SH3D19: variants seen among roughly 807,000 people sequenced by gnomAD.
The protein encoded by SH3D19 is SH3 domain containing 19, also known as SH3 domain-containing protein 19.
SH3D19 carries 58 observed loss-of-function variants against 112.1 expected under a neutral mutation model. The observed-to-expected ratio is 0.52, with a 90% CI of 0.42 to 0.64. The LOEUF is 0.64. Among genes scored for constraint, SH3D19 ranks in the 30% least tolerant of loss-of-function variants. The pLI, the probability that SH3D19 is intolerant of heterozygous loss-of-function variation, is 0.00. For synonymous variants in SH3D19, 391 were observed against 448.5 expected, an observed-to-expected ratio of 0.87 and a Z score of 1.62; for missense variants, 1,090 against 1,263.4, an observed-to-expected ratio of 0.86 and a Z score of 2.08.
intron 1 of SH3D19, among the ~76,000 whole-genome samples, chr4:151,254,410 G>C: frequency 1.3e-5 from 2 of 149,748 alleles, no homozygotes; most frequent in Non-Finnish European, 3.0e-5. Flanking sequence ...TGGAGGGAAG[G>C]TCAGCAGATA....
rs200222200 is a variant in SH3D19 at position 151,147,900 on chromosome 4, C to T, written c.2082+22G>A. 1.0e-5 allele frequency: 16 copies of T among 1,575,178 alleles called. No homozygotes were observed. In the East Asian group the frequency reaches 3.1e-4, roughly 31 times the overall value. On this transcript the variant is annotated intron_variant, in intron 11 of 19. Transcript: ENST00000604030. ...TTAGGGCACACCTCTTGACCACAAA[C>T]ATTTTTAAAAGCTAAATTTACCATG...
intron 1 of SH3D19, among the ~76,000 whole-genome samples, chr4:151,258,950 G>C (rs1007072117): frequency 3.0e-5 from 4 of 131,726 alleles, no homozygotes. Context: ...CCCCAGAATG[G>C]GGTAAGCCCT....
chr4:151,212,871 GC>G (rs1456980513), intron 2 of SH3D19, among the ~76,000 whole-genome samples: 8 of 152,208 alleles, frequency 5.3e-5, no homozygotes, highest in Non-Finnish European at 8.8e-5. Context: ...CATTGTAGAT[GC>G]CATTAAGAAT....
At chr4:151,142,961 G>C (rs1467624987) in intron 12 of SH3D19, among the ~76,000 whole-genome samples, 1 of 152,094 alleles carries the variant, frequency 6.6e-6, no homozygotes, top group Admixed American at 6.6e-5. Context: ...CTTTTGGCTG[G>C]GCATGGTGAC....
At position 151,133,074 on chromosome 4, in the gene SH3D19, C is replaced by T. The variant is rs1383812126; in HGVS notation, c.2649G>A (p.Glu883=). ...CAGAGGTGGGATAATCCTCAACAGG[C>T]TCCACAAAGTTCAGGGGGAAAATCC... ...RTGIFPLNFV[E]PVEDYPTSGA... Residue 883 remains glutamate, a synonymous_variant, in exon 16 of 20, where the codon GAG becomes GAA. Coordinates refer to ENST00000604030, the MANE Select transcript of SH3D19 (RefSeq NM_001378122.1). 1 of 1,614,022 alleles carries T rather than the reference C, an allele frequency of 6.2e-7. No homozygotes were observed. The highest frequency in any genetic ancestry group is 2.2e-5 in the East Asian group (1 of 44,878).
chr4:151,275,560 C>T (rs982212129), intron 1 of SH3D19, among the ~76,000 whole-genome samples: 2 of 152,162 alleles, frequency 1.3e-5, no homozygotes, highest in African/African-American at 2.4e-5. Flanking sequence ...TTCTTTCCGT[C>T]GCCCAAGCTG....
intron 2 of SH3D19, among the ~76,000 whole-genome samples, chr4:151,224,678 T>C (rs1768696535): frequency 6.6e-6 from 1 of 152,190 alleles, no homozygotes; most frequent in Non-Finnish European, 1.5e-5. Flanking sequence ...CAGTTAAGCA[T>C]GCTGTCAAAG....
At chr4:151,236,999 C>G in intron 1 of SH3D19, among the ~76,000 whole-genome samples, 1 of 152,326 alleles carries the variant, frequency 6.6e-6, no homozygotes, top group Middle Eastern at 3.4e-3. Flanking sequence ...CAGCAACATG[C>G]TGAAGTCCCC....
At position 151,180,502 on chromosome 4, in the gene SH3D19, G is replaced by A. The variant is rs576202398; in HGVS notation, c.194-1105C>T. 2.2e-3 allele frequency among the ~76,000 whole-genome samples: 337 copies of A among 150,564 alleles called. 1 individual carries two copies. Among genetic ancestry groups the A allele is most frequent in the African/African-American group, 7.0e-3 (287 of 41,106 alleles). On this transcript the variant is annotated intron_variant, in intron 3 of 19. Transcript: ENST00000604030. Reference sequence around the variant, plus strand: ...GCTCACTGCAAGCTCTGCCTCCTGGGTTCACACCATTCTCTTGCCTCATCT... The same window carrying A: ...GCTCACTGCAAGCTCTGCCTCCTGGATTCACACCATTCTCTTGCCTCATCT...
intron 1 of SH3D19, among the ~76,000 whole-genome samples, chr4:151,243,739 T>C (rs1375593869): frequency 1.3e-5 from 2 of 152,182 alleles, no homozygotes; most frequent in African/African-American, 4.8e-5. Context: ...ATTACAACTG[T>C]TGGGAGAAAA....
chr4:151,184,846 T>C (rs924551630), intron 3 of SH3D19, among the ~76,000 whole-genome samples: 6 of 152,154 alleles, frequency 3.9e-5, no homozygotes, highest in Admixed American at 2.0e-4. Flanking sequence ...TTGTTGAAAT[T>C]GAAGTGTGGC....
At chr4:151,145,941 C>A (rs112917371) in intron 11 of SH3D19, among the ~76,000 whole-genome samples, 261 of 152,284 alleles carry the variant, frequency 1.7e-3, no homozygotes, top group Middle Eastern at 3.4e-3. Context: ...TTAATACATA[C>A]ATAAAGTGCT....
At chr4:151,197,298 AT>A (rs1240010466) in intron 2 of SH3D19, among the ~76,000 whole-genome samples, 1 of 152,232 alleles carries the variant, frequency 6.6e-6, no homozygotes, top group African/African-American at 2.4e-5. Flanking sequence ...AAAATAAGTC[AT>A]TATACCGAAA....
At chr4:151,313,902 C>T (rs935400876) in intron 1 of SH3D19, among the ~76,000 whole-genome samples, 5 of 152,078 alleles carry the variant, frequency 3.3e-5, no homozygotes, top group Admixed American at 2.6e-4. Context: ...ATGTGAACAC[C>T]TCTACACTAG....
chr4:151,321,527 C>T (rs1007614651), intron 1 of SH3D19, among the ~76,000 whole-genome samples: 1 of 152,080 alleles, frequency 6.6e-6, no homozygotes, highest in East Asian at 1.9e-4. Flanking sequence ...TTTAAGCTAC[C>T]GAGAAAACCC....
At chr4:151,293,286 C>G (rs1030240525) in intron 1 of SH3D19, among the ~76,000 whole-genome samples, 1 of 150,640 alleles carries the variant, frequency 6.6e-6, no homozygotes, top group Non-Finnish European at 1.5e-5. Flanking sequence ...CTGGCTAACA[C>G]GGTGAAACCC....
At chr4:151,165,437 T>A in intron 8 of SH3D19, 152 bp downstream of exon 8, 1 of 608,528 alleles carries the variant, frequency 1.6e-6, no homozygotes, top group East Asian at 2.9e-5. Context: ...GAACTAATTC[T>A]TCGAAGAATT....
chr4:151,219,057 C>T (rs1330813220), intron 2 of SH3D19, among the ~76,000 whole-genome samples: 1 of 152,172 alleles, frequency 6.6e-6, no homozygotes, highest in Non-Finnish European at 1.5e-5. Flanking sequence ...TACTACATAT[C>T]CTTAATTCAA....
At chr4:151,267,350 A>G (rs1167236773) in intron 1 of SH3D19, among the ~76,000 whole-genome samples, 1 of 151,828 alleles carries the variant, frequency 6.6e-6, no homozygotes, top group Non-Finnish European at 1.5e-5. Context: ...AAAAAAAAAA[A>G]GGCTCTTTCC....
Sources: allele counts gnomAD v4.1 joint callset (sites outside exome capture counted in the v4.1 genomes callset), GRCh38; gene constraint gnomAD v4.1.1; transcripts MANE v1.5; gene names NCBI Gene and HGNC (gene_info 2026-07-23, HGNC 2026-07-21).